The following DBF4B variants were observed in gnomAD, a reference collection of about 807,000 sequenced individuals.
The protein encoded by DBF4B is protein DBF4 homolog B.
DBF4B carries 49 observed loss-of-function variants against 53.4 expected under a neutral mutation model. The observed-to-expected ratio is 0.92, with a 90% CI of 0.73 to 1.16. The LOEUF is 1.16. Ranked by LOEUF, DBF4B falls within the 50% of genes most tolerant of loss-of-function variation. The pLI is 0.00. For missense variants in DBF4B, 692 were observed against 775.0 expected (o/e 0.89, Z 1.27); for synonymous variants, 257 against 288.7 (o/e 0.89, Z 1.11).
At position 44,747,406 on chromosome 17, in the gene DBF4B, C is replaced by A; in HGVS notation, c.955C>A (p.Gln319Lys). ...CCGCCGGCAGCATCTTCAGAGTGCC[C>A]AGCACCGGAGCTTTGCCCTGGAAGC... ...EELHVHLQSA[Q>K]HRSFALEAHL... is the part of the protein sequence containing the mutation. The change falls in exon 12 of 14, where the codon CAG becomes AAG. Residue 319 changes from glutamine (Q) to lysine (K), a missense_variant. By Grantham distance (53) the Gln-to-Lys change is moderately conservative (BLOSUM62 1). Coordinates refer to ENST00000315005, the MANE Select transcript of DBF4B (RefSeq NM_145663.3). 1 of 1,614,110 alleles carries A rather than the reference C, an allele frequency of 6.2e-7. No homozygotes were observed. The highest frequency in any genetic ancestry group is 8.5e-7 in the Non-Finnish European group (1 of 1,180,036).
chr17:44,731,979 A>G (rs1010524376), intron 5 of DBF4B, 199 bp from the exon 6 acceptor site: 30 of 569,214 alleles, frequency 5.3e-5, no homozygotes, highest in Middle Eastern at 4.6e-4. Flanking sequence ...TCCTCTCCCA[A>G]TGTGGCCATG....
chr17:44,717,261 TC>T (rs1973409513), intron 2 of DBF4B, among the ~76,000 whole-genome samples: 1 of 152,194 alleles, frequency 6.6e-6, no homozygotes. Flanking sequence ...CTCACACTGT[TC>T]TATTTAGCTC....
intron 2 of DBF4B, among the ~76,000 whole-genome samples, chr17:44,710,895 T>C (rs1459713131): frequency 6.6e-6 from 1 of 152,092 alleles, no homozygotes; most frequent in Non-Finnish European, 1.5e-5. Flanking sequence ...TATACATTTT[T>C]ATATTTGTTC....
At chr17:44,734,236 A>G (rs1432100149) in intron 7 of DBF4B, 73 bp downstream of exon 7, 5 of 1,582,424 alleles carry the variant, frequency 3.2e-6, no homozygotes, top group Admixed American at 1.7e-5. Flanking sequence ...AGGTAAATCC[A>G]TGGCCCACCC....
chr17:44,748,675 C>T (rs549942138), intron 13 of DBF4B: 33 of 1,453,948 alleles, frequency 2.3e-5, no homozygotes, highest in East Asian at 3.0e-5. Context: ...CTCCTCTGGC[C>T]CAGACCTGGC....
rs553006330 is a variant in DBF4B, at chr17:44,738,500, G to A, written c.713+76G>A. The A allele has an allele frequency of 2.6e-5, 38 of 1,476,724 alleles. No individual in the cohort carries two copies. The East Asian group carries it at 8.0e-4, about 31-fold the overall frequency. 91.5% of individuals were successfully genotyped at this position (1,476,724 alleles called of 1,614,324 possible). ...AGGGAGGAGGGAGGGGTGCTCAGGGGCCTCAAGCTAATGTGAAGACATGGA... is the reference window on the plus strand; with the variant it reads ...AGGGAGGAGGGAGGGGTGCTCAGGGACCTCAAGCTAATGTGAAGACATGGA... On this transcript the variant is annotated intron_variant, in intron 9 of 13. Coordinates refer to ENST00000315005, the MANE Select transcript of DBF4B (RefSeq NM_145663.3).
chr17:44,744,600 A>C (rs1286002899), intron 10 of DBF4B, among the ~76,000 whole-genome samples: 1 of 152,140 alleles, frequency 6.6e-6, no homozygotes, highest in Non-Finnish European at 1.5e-5. Context: ...TAAAGGTAGA[A>C]ATATTGGGTT....
At chr17:44,728,546 C>T (rs1974553418) in intron 3 of DBF4B, among the ~76,000 whole-genome samples, 1 of 152,170 alleles carries the variant, frequency 6.6e-6, no homozygotes, top group South Asian at 2.1e-4. Flanking sequence ...CAGCCAGGCA[C>T]GGTGGCTCAC....
Position 44,708,724 on chromosome 17 carries a change from C to T in DBF4B, c.-97C>T. Reference sequence around the variant, plus strand: ...GATGCTGTAGCTGCCCTGAGATAACCAGGACTGTGGAATCGGGAAGAGCTC... The same window carrying T: ...GATGCTGTAGCTGCCCTGAGATAACTAGGACTGTGGAATCGGGAAGAGCTC... On this transcript the variant is annotated 5_prime_UTR_variant, in exon 1 of 14. Transcript: ENST00000315005. 3.5e-6 allele frequency: 5 copies of T among 1,444,296 alleles called. No individual in the cohort carries two copies. The highest frequency in any genetic ancestry group is 4.7e-6 in the Non-Finnish European group (5 of 1,067,938). The allele number at this position is 1,444,296 out of a possible 1,614,324, so 89.5% of individuals were successfully genotyped here.
chr17:44,727,464 A>G (rs2144906829), intron 3 of DBF4B, among the ~76,000 whole-genome samples: 1 of 152,254 alleles, frequency 6.6e-6, no homozygotes, highest in East Asian at 1.9e-4. Context: ...TTGACCCAAA[A>G]GAGACTAATA....
chr17:44,745,741 C>T (rs760516134), intron 10 of DBF4B, among the ~76,000 whole-genome samples: 28 of 152,330 alleles, frequency 1.8e-4, no homozygotes, highest in Non-Finnish European at 3.8e-4. Context: ...GCCATGCATA[C>T]ATATTTTAAA....
intron 2 of DBF4B, among the ~76,000 whole-genome samples, chr17:44,710,133 A>G (rs1008234417): frequency 6.6e-6 from 1 of 152,072 alleles, no homozygotes; most frequent in Non-Finnish European, 1.5e-5. Flanking sequence ...AGATTGCGCC[A>G]CTGCACTCCA....
chr17:44,726,292 T>TTTTTTTATTTATTTA (rs1555676222), intron 3 of DBF4B, among the ~76,000 whole-genome samples: 3 of 132,090 alleles, frequency 2.3e-5, no homozygotes, highest in African/African-American at 8.6e-5. Flanking sequence ...CCCGGCCCTT[T>TTTTTTTATTTATTTA]TTTATTTATT....
chr17:44,729,961 A>C lies in DBF4B; in HGVS notation c.282A>C (p.Glu94Asp), dbSNP rs376638934. 4 of 1,614,078 alleles carry C rather than the reference A, an allele frequency of 2.5e-6. 1 individual carries two copies. The highest frequency in any genetic ancestry group is 1.7e-4 in the Middle Eastern group (1 of 6,006). Reference sequence around the variant, plus strand: ...GTTACATCGTGTCCAGCCGCAGAGAAGTAAAGGCAGAGAGCAGTGGGAAAA... The same window carrying C: ...GTTACATCGTGTCCAGCCGCAGAGACGTAAAGGCAGAGAGCAGTGGGAAAA... ...EVSYIVSSRR[E>D]VKAESSGKSH... Residue 94 changes from glutamate to aspartate, a missense_variant, in exon 4 of 14, where the codon GAA becomes GAC. By Grantham distance (45) the Glu-to-Asp change is conservative. Transcript: ENST00000315005.
At chr17:44,732,065 G>A (rs1213164513) in intron 5 of DBF4B, 113 bp from the exon 6 acceptor site, 13 of 951,018 alleles carry the variant, frequency 1.4e-5, no homozygotes, top group Non-Finnish European at 2.1e-5. Context: ...CTGCCTCCCT[G>A]CAGTCCCTCC....
rs565525581 is a variant in DBF4B at position 44,732,040 on chromosome 17, T to TA, written c.469-137dup. On this transcript the variant is annotated intron_variant, in intron 5 of 13. Transcript: ENST00000315005. ...GTTGGGATGGACTCTCTGGGCACTG[T>TA]ACTCTCTCTCCTACCTGCCTCCCTG... The TA allele has an allele frequency of 1.8e-4, 134 of 729,034 alleles. 1 individual carries two copies. The African/African-American group carries it at 2.3e-3, about 12-fold the overall frequency. The allele number at this position is 729,034 out of a possible 1,614,324, so 45.2% of individuals were successfully genotyped here.
At chr17:44,741,552 C>A in intron 10 of DBF4B, 100 bp downstream of exon 10, 1 of 735,236 alleles carries the variant, frequency 1.4e-6, no homozygotes, top group Non-Finnish European at 2.3e-6. Flanking sequence ...CATGTGTTTG[C>A]TCCTTAGGCA....
chr17:44,731,211 G>C (rs1028158053), intron 5 of DBF4B, 196 bp downstream of exon 5: 1 of 587,990 alleles, frequency 1.7e-6, no homozygotes, highest in Non-Finnish European at 3.0e-6. Flanking sequence ...GAGAGTAAGT[G>C]TTGAAGCCAG....
intron 3 of DBF4B, among the ~76,000 whole-genome samples, chr17:44,725,439 T>A (rs1974224763): frequency 6.6e-6 from 1 of 151,988 alleles, no homozygotes. Context: ...ATAATTCACA[T>A]GTCATAAAAT....
Sources: allele counts gnomAD v4.1 joint callset (sites outside exome capture counted in the v4.1 genomes callset), GRCh38; gene constraint gnomAD v4.1.1; transcripts MANE v1.5; gene names NCBI Gene and HGNC (gene_info 2026-07-23, HGNC 2026-07-21).